ZCCHC7: variants seen among roughly 807,000 people sequenced by gnomAD.
ZCCHC7 encodes the protein zinc finger CCHC-type containing 7, also known as zinc finger CCHC domain-containing protein 7.
ZCCHC7 carries 35 observed loss-of-function variants against 52.0 expected under a neutral mutation model. That is an observed-to-expected ratio of 0.67 (90% CI 0.51 to 0.89). ZCCHC7 has a LOEUF of 0.89. Ranked by LOEUF, ZCCHC7 falls within the 40% of genes least tolerant of loss-of-function variation. The probability of loss-of-function intolerance (pLI) is 0.00; values close to 1 mark genes in which losing one functional copy is unlikely to be tolerated. For missense variants in ZCCHC7, 574 were observed against 649.1 expected, an observed-to-expected ratio of 0.88 and a Z score of 1.26; for synonymous variants, 217 against 221.5, an observed-to-expected ratio of 0.98 and a Z score of 0.18.
chr9:37,162,924 C>G (rs896972189), intron 2 of ZCCHC7, among the ~76,000 whole-genome samples: 2 of 151,978 alleles, frequency 1.3e-5, no homozygotes, highest in African/African-American at 4.8e-5. Context: ...AAATACAGGC[C>G]GGGTACTGTG....
intron 3 of ZCCHC7, among the ~76,000 whole-genome samples, chr9:37,303,861 C>A (rs1829165197): frequency 6.6e-6 from 1 of 151,726 alleles, no homozygotes; most frequent in South Asian, 2.1e-4. Flanking sequence ...TGGGGTTTCT[C>A]CATGTTGGTC....
chr9:37,273,546 G>T (rs1484994015), intron 2 of ZCCHC7, among the ~76,000 whole-genome samples: 1 of 152,176 alleles, frequency 6.6e-6, no homozygotes, highest in Non-Finnish European at 1.5e-5. Context: ...CCTACTCTTA[G>T]AGTGTATAGC....
chr9:37,195,105 C>T (rs1299176783), intron 2 of ZCCHC7, among the ~76,000 whole-genome samples: 1 of 151,888 alleles, frequency 6.6e-6, no homozygotes, highest in African/African-American at 2.4e-5. Context: ...CACCACCACA[C>T]CTGGCTAATT....
At chr9:37,228,215 C>T (rs1430104307) in intron 2 of ZCCHC7, among the ~76,000 whole-genome samples, 2 of 152,020 alleles carry the variant, frequency 1.3e-5, no homozygotes, top group African/African-American at 2.4e-5. Context: ...CAGTGGTTAC[C>T]AGGTTTAAAT....
intron 5 of ZCCHC7, among the ~76,000 whole-genome samples, chr9:37,313,628 G>T (rs1829689843): frequency 6.6e-6 from 1 of 152,228 alleles, no homozygotes; most frequent in Non-Finnish European, 1.5e-5. Flanking sequence ...CTGGTAGGAG[G>T]TGATTGGATC....
chr9:37,285,803 TTACTATGTGACAAA>T (rs1362429999), intron 2 of ZCCHC7, among the ~76,000 whole-genome samples: 3 of 152,324 alleles, frequency 2.0e-5, no homozygotes, highest in African/African-American at 7.2e-5. Context: ...TTTTGAGCAC[TTACTATGTGACAAA>T]CACCACACAG....
chr9:37,126,252 T>A, intron 1 of ZCCHC7, 60 bp from the exon 2 acceptor site: 1 of 1,470,928 alleles, frequency 6.8e-7, no homozygotes, highest in Non-Finnish European at 9.1e-7. Context: ...ATATTGTTAC[T>A]TAAACTGGCA....
chr9:37,275,304 A>G (rs1827628445), intron 2 of ZCCHC7, among the ~76,000 whole-genome samples: 1 of 127,362 alleles, frequency 7.9e-6, no homozygotes, highest in Non-Finnish European at 1.6e-5. Context: ...CCTAATCTAT[A>G]TTGTCTAGTT....
At chr9:37,244,760 TG>T (rs1826012913) in intron 2 of ZCCHC7, among the ~76,000 whole-genome samples, 1 of 151,954 alleles carries the variant, frequency 6.6e-6, no homozygotes, top group African/African-American at 2.4e-5. Context: ...TGAGGGCCAC[TG>T]TGTATTTTTC....
intron 2 of ZCCHC7, among the ~76,000 whole-genome samples, chr9:37,205,802 C>T (rs1352553274): frequency 2.0e-5 from 3 of 152,168 alleles, no homozygotes; most frequent in African/African-American, 7.2e-5. Context: ...AGGCATCAGC[C>T]ACCTTGCCCA....
chr9:37,125,126 C>T (rs1471146551), intron 1 of ZCCHC7, among the ~76,000 whole-genome samples: 2 of 152,236 alleles, frequency 1.3e-5, no homozygotes, highest in Non-Finnish European at 2.9e-5. Context: ...CCTGGGATTA[C>T]AGGCGTGAGC....
chr9:37,155,027 A>G (rs931496612), intron 2 of ZCCHC7, among the ~76,000 whole-genome samples: 1 of 152,032 alleles, frequency 6.6e-6, no homozygotes, highest in Non-Finnish European at 1.5e-5. Context: ...CTGTTTCCAC[A>G]TTTGTGGGTG....
Position 37,126,389 on chromosome 9 carries a change from T to G in ZCCHC7, c.57T>G (p.Asp19Glu). 6.2e-7 allele frequency: 1 copy of G among 1,614,126 alleles called. No individual in the cohort carries two copies. ...IEAYEDDLYR[D>E]ESSSELSVDS... ...CATACGAAGATGATCTTTATCGAGA[T>G]GAGTCATCTAGTGAACTGAGTGTTG... Residue 19 changes from aspartate to glutamate, a missense_variant, in exon 2 of 9, where the codon GAT becomes GAG. Around this residue, in one of 3 missense-constraint regions of ZCCHC7, gnomAD observed 403 missense variants for 461.2 expected, o/e 0.87. Coordinates refer to ENST00000336755, the MANE Select transcript of ZCCHC7 (RefSeq NM_032226.3).
At position 37,356,927 on chromosome 9, in the gene ZCCHC7, C is replaced by G. The variant is rs1437760895; in HGVS notation, c.1291C>G (p.Arg431Gly). ...CCCCCACCATGATATAAGGAAGGGC[C>G]GTGCCTCATGGAAAAGCAACAGGTG... ...ENPHHDIRKG[R>G]ASWKSNRWPQ... The change falls in exon 9 of 9, where the codon CGT (arginine) becomes GGT (glycine). Residue 431 changes from arginine (R) to glycine (G), a missense_variant. Transcript: ENST00000336755. 2 of 1,613,438 alleles carry G rather than the reference C, an allele frequency of 1.2e-6. No homozygotes were observed. The highest frequency in any genetic ancestry group is 2.7e-5 in the African/African-American group (2 of 74,844).
chr9:37,342,316 A>T (rs1028257061), intron 6 of ZCCHC7, among the ~76,000 whole-genome samples: 1 of 152,186 alleles, frequency 6.6e-6, no homozygotes, highest in Admixed American at 6.5e-5. Context: ...TGGGAGGAAC[A>T]TATTTGGGGT....
intron 2 of ZCCHC7, among the ~76,000 whole-genome samples, chr9:37,192,572 A>C (rs1823072918): frequency 6.6e-6 from 1 of 152,232 alleles, no homozygotes; most frequent in Non-Finnish European, 1.5e-5. Context: ...GACCAGAAGA[A>C]ATATCTTTCC....
intron 2 of ZCCHC7, among the ~76,000 whole-genome samples, chr9:37,192,755 A>T (rs1373163340): frequency 6.6e-6 from 1 of 152,344 alleles, no homozygotes; most frequent in East Asian, 1.9e-4. Context: ...GATAGATGTC[A>T]TCCCCAACAC....
At chr9:37,147,131 T>TTA (rs1180085552) in intron 2 of ZCCHC7, among the ~76,000 whole-genome samples, 2 of 151,890 alleles carry the variant, frequency 1.3e-5, no homozygotes, top group Admixed American at 6.6e-5. Flanking sequence ...AACAATTGAA[T>TTA]TATATATATC....
At chr9:37,197,435 T>A (rs1670572824) in intron 2 of ZCCHC7, among the ~76,000 whole-genome samples, 1 of 152,220 alleles carries the variant, frequency 6.6e-6, no homozygotes, top group Non-Finnish European at 1.5e-5. Context: ...GAGTTCACAT[T>A]TATTGAAAAT....
Sources: gnomAD v4.1 joint callset for allele counts (sites outside exome capture counted in the v4.1 genomes callset) on GRCh38, gnomAD v4.1.1 for gene constraint, gnomAD v4.1.1 regional missense constraint, MANE v1.5 for transcripts, NCBI Gene and HGNC (gene_info 2026-07-23, HGNC 2026-07-21) for gene names.